FAM117B: variants seen among roughly 807,000 people sequenced by gnomAD.
FAM117B encodes the protein protein FAM117B.
A neutral mutation model predicts 52.8 loss-of-function variants in FAM117B; 22 were observed. The observed-to-expected ratio is 0.42, with a 90% CI of 0.30 to 0.59. The LOEUF is 0.59. Among genes scored for constraint, FAM117B ranks in the 20% least tolerant of loss-of-function variants. The pLI, the probability that FAM117B is intolerant of heterozygous loss-of-function variation, is 0.22. For missense variants in FAM117B, 678 were observed against 802.6 expected, an observed-to-expected ratio of 0.84 and a Z score of 1.88; for synonymous variants, 309 against 324.1, an observed-to-expected ratio of 0.95 and a Z score of 0.50.
intron 6 of FAM117B, 22 bp downstream of exon 6, chr2:202,757,460 C>G: frequency 6.2e-7 from 1 of 1,602,958 alleles, no homozygotes; most frequent in Non-Finnish European, 8.5e-7. Flanking sequence ...GAGGAATGTG[C>G]TACTAGATGA....
At chr2:202,742,913 A>G (rs1013054336) in intron 4 of FAM117B, among the ~76,000 whole-genome samples, 1 of 152,212 alleles carries the variant, frequency 6.6e-6, no homozygotes, top group African/African-American at 2.4e-5. Flanking sequence ...GGATTGGCCC[A>G]TGCAGCCTGC....
chr2:202,737,156 T>TA (rs1473108798), intron 4 of FAM117B, among the ~76,000 whole-genome samples: 1 of 151,980 alleles, frequency 6.6e-6, no homozygotes, highest in East Asian at 1.9e-4. Flanking sequence ...ACCTAAGTCA[T>TA]ACGTGGACTG....
intron 1 of FAM117B, among the ~76,000 whole-genome samples, chr2:202,648,480 G>C (rs1689902816): frequency 6.7e-6 from 1 of 150,312 alleles, no homozygotes; most frequent in Non-Finnish European, 1.5e-5. Flanking sequence ...TTGCGCCACT[G>C]CACTGCAGCC....
intron 2 of FAM117B, among the ~76,000 whole-genome samples, chr2:202,718,161 G>C (rs550503173): frequency 6.6e-6 from 1 of 151,906 alleles, no homozygotes; most frequent in African/African-American, 2.4e-5. Context: ...TGCCTGGCGT[G>C]GAACTCACCC....
Position 202,665,650 on chromosome 2 carries a change from G to C in FAM117B, c.601+29862G>C, listed in dbSNP as rs528121711. Reference sequence around the variant, plus strand: ...GAGTCTCACTCTATCACCCAGGCTGGAGTGCAGTGGTGCAATCTCGGCTCA... The same window carrying C: ...GAGTCTCACTCTATCACCCAGGCTGCAGTGCAGTGGTGCAATCTCGGCTCA... On this transcript the variant is annotated intron_variant, in intron 1 of 7. Coordinates refer to ENST00000392238, the MANE Select transcript of FAM117B (RefSeq NM_173511.4). 2.0e-5 allele frequency among the ~76,000 whole-genome samples: 3 copies of C among 152,254 alleles called. 1 individual carries two copies. In the South Asian group the frequency reaches 6.2e-4, roughly 32 times the overall value.
chr2:202,755,422 TGAGGCC>T, intron 4 of FAM117B, 110 bp from the exon 5 acceptor site: 1 of 1,287,630 alleles, frequency 7.8e-7, no homozygotes. Flanking sequence ...ACACTTTTTG[TGAGGCC>T]TGTAAACTTT....
intron 1 of FAM117B, among the ~76,000 whole-genome samples, chr2:202,662,704 G>A (rs536577133): frequency 1.3e-5 from 2 of 151,936 alleles, no homozygotes; most frequent in South Asian, 4.2e-4. Context: ...AGCTGGGCAT[G>A]GTGGTGGTGC....
intron 4 of FAM117B, among the ~76,000 whole-genome samples, chr2:202,726,569 C>T (rs552406745): frequency 6.6e-6 from 1 of 152,232 alleles, no homozygotes; most frequent in South Asian, 2.1e-4. Flanking sequence ...GATACGACTT[C>T]TAGGAGACAT....
chr2:202,710,004 A>G (rs1362064765), intron 2 of FAM117B, among the ~76,000 whole-genome samples: 1 of 152,168 alleles, frequency 6.6e-6, no homozygotes, highest in Non-Finnish European at 1.5e-5. Context: ...TCTTTATGCC[A>G]GTACTATATT....
chr2:202,667,740 A>G (rs1316650047), intron 1 of FAM117B, among the ~76,000 whole-genome samples: 1 of 152,018 alleles, frequency 6.6e-6, no homozygotes, highest in Non-Finnish European at 1.5e-5. Flanking sequence ...ACTCAAGTTG[A>G]AGTAGTATGC....
rs568652098 is a variant in FAM117B, at chr2:202,766,303, T to C, written c.*539T>C. 1 of 153,090 alleles carries C rather than the reference T, an allele frequency of 6.5e-6. No individual in the cohort carries two copies. Among genetic ancestry groups the C allele is most frequent in the Non-Finnish European group, 1.5e-5 (1 of 68,450 alleles). 9.5% of individuals were successfully genotyped at this position (153,090 alleles called of 1,614,324 possible). A position where few individuals can be genotyped will look rare whatever the true frequency, so the allele number is the denominator to read the frequency against. Reference sequence around the variant, plus strand: ...TAGATGTGTGCTTTTCTCAGCTGTTTTCAGCTTTGGGACCAAAGGGATTGT... The same window carrying C: ...TAGATGTGTGCTTTTCTCAGCTGTTCTCAGCTTTGGGACCAAAGGGATTGT... On this transcript the variant is annotated 3_prime_UTR_variant, in exon 8 of 8. Transcript: ENST00000392238.
chr2:202,728,461 A>G lies in FAM117B; in HGVS notation c.960+2098A>G, dbSNP rs556910128. On this transcript the variant is annotated intron_variant, in intron 4 of 7. Transcript: ENST00000392238. ...AGAAATGAAAAATTTGTAAAGACTA[A>G]TAACTTTTGAATTTGGAATGTTAAT... Among the ~76,000 whole-genome samples the G allele has an allele frequency of 8.7e-4, 132 of 152,344 alleles. No individual in the cohort carries two copies. In the Middle Eastern group the frequency reaches 0.024, roughly 27 times the overall value.
At chr2:202,642,233 G>A (rs1048710485) in intron 1 of FAM117B, among the ~76,000 whole-genome samples, 3 of 150,312 alleles carry the variant, frequency 2.0e-5, no homozygotes, top group Non-Finnish European at 4.4e-5. Context: ...GATTGCAAGC[G>A]TGAGCCACCA....
At chr2:202,638,565 C>G (rs1338953892) in intron 1 of FAM117B, among the ~76,000 whole-genome samples, 1 of 149,478 alleles carries the variant, frequency 6.7e-6, no homozygotes, top group Non-Finnish European at 1.5e-5. Flanking sequence ...CCATTTGCTC[C>G]CCTATCAAAA....
At chr2:202,756,425 G>T (rs1691801476) in intron 5 of FAM117B, among the ~76,000 whole-genome samples, 1 of 151,996 alleles carries the variant, frequency 6.6e-6, no homozygotes, top group Non-Finnish European at 1.5e-5. Context: ...CATGAGAATA[G>T]TTGCTATGTA....
chr2:202,648,199 C>G (rs564174861), intron 1 of FAM117B, among the ~76,000 whole-genome samples: 2 of 152,070 alleles, frequency 1.3e-5, no homozygotes, highest in South Asian at 4.1e-4. Flanking sequence ...CAGAGCTATT[C>G]TATGTATATT....
chr2:202,755,516 T>G (rs768831673), intron 4 of FAM117B, 22 bp from the exon 5 acceptor site: 1 of 1,612,110 alleles, frequency 6.2e-7, no homozygotes, highest in East Asian at 2.2e-5. Flanking sequence ...TAAGCCTCTC[T>G]TCTCCATCCC....
intron 2 of FAM117B, among the ~76,000 whole-genome samples, chr2:202,701,042 C>T (rs147760498): frequency 2.6e-3 from 392 of 152,144 alleles, no homozygotes; most frequent in African/African-American, 9.0e-3. Context: ...AAGAAGATGC[C>T]GTCTAGGACT....
intron 1 of FAM117B, among the ~76,000 whole-genome samples, chr2:202,644,053 GTTTTTTTTTTGTTTTT>G (rs1336374491): frequency 8.3e-5 from 5 of 60,160 alleles, no homozygotes; most frequent in African/African-American, 1.6e-4. Context: ...TTTAGGAGCT[GTTTTTTTTTTGTTTTT>G]TTTTTTTTTT....
Sources: gnomAD v4.1 joint callset for allele counts (sites outside exome capture counted in the v4.1 genomes callset) on GRCh38, gnomAD v4.1.1 for gene constraint, MANE v1.5 for transcripts, NCBI Gene and HGNC (gene_info 2026-07-23, HGNC 2026-07-21) for gene names.